FRMPD2: variants seen among roughly 807,000 people sequenced by gnomAD.
FRMPD2 encodes the protein FERM and PDZ domain containing 2.
In FRMPD2, 96 loss-of-function variants were observed where a neutral mutation model predicts 140.1. The ratio of observed to expected loss-of-function variants is 0.69; its 90% CI spans 0.58 to 0.81. FRMPD2 has a LOEUF of 0.81. FRMPD2 is among the 40% of genes least tolerant of loss of function. FRMPD2 has a pLI of 0.00. For synonymous variants in FRMPD2, 449 were observed against 547.6 expected (o/e 0.82, Z 2.52); for missense variants, 1,240 against 1,447.4 (o/e 0.86, Z 2.32).
In FRMPD2 at chr10:48,235,915, C is replaced by T. The variant is rs1012759639; in HGVS notation, c.993+567G>A. Among the ~76,000 whole-genome samples the T allele has an allele frequency of 3.9e-5, 6 of 152,220 alleles. No homozygotes were observed. In the East Asian group the frequency reaches 1.2e-3, roughly 30 times the overall value. On this transcript the variant is annotated intron_variant, in intron 9 of 28. Transcript: ENST00000374201. ...CACAGCATTTGCCCTTCCTGAAAAG[C>T]CCACAAGGCTCACTCCTTGTCTTCA...
intron 15 of FRMPD2, among the ~76,000 whole-genome samples, chr10:48,196,700 C>T (rs570609826): frequency 3.3e-5 from 5 of 152,230 alleles, no homozygotes; most frequent in Admixed American, 2.6e-4. Context: ...TGCATGTAAT[C>T]GCTGAAAAGG....
intron 1 of FRMPD2, among the ~76,000 whole-genome samples, chr10:48,256,750 G>C (rs994170325): frequency 1.3e-5 from 2 of 152,138 alleles, no homozygotes; most frequent in African/African-American, 2.4e-5. Flanking sequence ...CTGGCCTCGT[G>C]GGTCAGGGGA....
At chr10:48,230,965 T>A (rs1442395838) in intron 10 of FRMPD2, among the ~76,000 whole-genome samples, 2 of 152,038 alleles carry the variant, frequency 1.3e-5, no homozygotes, top group Non-Finnish European at 2.9e-5. Flanking sequence ...AACAGAACAA[T>A]GAACTCCAGA....
rs756657128 is a variant in FRMPD2, at chr10:48,206,895, G to A, written c.1650C>T (p.His550=). 3.7e-6 allele frequency: 6 copies of A among 1,613,998 alleles called. No homozygotes were observed. In the East Asian group the frequency reaches 1.3e-4, roughly 36 times the overall value. ...GCCTCCTCTTCTCTGAGAATACTTG[G>A]TGAACCAGCACACCGTATTCTGGGA... The part of the protein sequence containing the change: ...QQLPEYGVLV[H]QVFSEKRRPE... The change falls in exon 14 of 29, where the codon CAC becomes CAT. Residue 550 remains histidine (H), a synonymous_variant. Coordinates refer to ENST00000374201, the MANE Select transcript of FRMPD2 (RefSeq NM_001018071.4).
Position 48,187,226 on chromosome 10 carries a change from A to G in FRMPD2, c.2232T>C (p.Ser744=), listed in dbSNP as rs541696678. The change falls in exon 17 of 29, where the codon TCT becomes TCC. Residue 744 remains serine, a synonymous_variant. Transcript: ENST00000374201. ...TGCTCTGAACAGGTGGTCCAGAGAG[A>G]GAGTCCCAGGTCATTGGCTTCTGGA... ...CVIQKPMTWD[S]LSGPPVQSMH... 1 of 1,614,050 alleles carries G rather than the reference A, an allele frequency of 6.2e-7. No homozygotes were observed. The highest frequency in any genetic ancestry group is 2.2e-5 in the East Asian group (1 of 44,858).
At position 48,184,691 on chromosome 10, in the gene FRMPD2, A is replaced by C; in HGVS notation, c.2468-9T>G. 1 of 1,603,460 alleles carries C rather than the reference A, an allele frequency of 6.2e-7. No homozygotes were observed. The highest frequency in any genetic ancestry group is 1.1e-5 in the South Asian group (1 of 90,386). On this transcript the variant is annotated splice_polypyrimidine_tract_variant and intron_variant, in intron 19 of 28. Transcript: ENST00000374201. The stretch of plus-strand genomic sequence containing the variant: ...GGCTAGTATCTGCCCTCCTAGAAAA[A>C]TAAAACATCTCAATAATCCTTCAAG...
At chr10:48,216,772 A>T (rs1193493137) in intron 12 of FRMPD2, among the ~76,000 whole-genome samples, 1 of 152,226 alleles carries the variant, frequency 6.6e-6, no homozygotes, top group Non-Finnish European at 1.5e-5. Context: ...TCAGAGAGAA[A>T]ACATGCCAAG....
chr10:48,236,438 C>T (rs1223091089), intron 9 of FRMPD2, 44 bp downstream of exon 9: 1 of 1,577,208 alleles, frequency 6.3e-7, no homozygotes, highest in Non-Finnish European at 8.7e-7. Flanking sequence ...CTGCCCACTT[C>T]CCTCGCCACC....
intron 16 of FRMPD2, among the ~76,000 whole-genome samples, chr10:48,192,004 A>T (rs58682440): frequency 6.6e-6 from 1 of 152,312 alleles, no homozygotes; most frequent in African/African-American, 2.4e-5. Context: ...CAGAGTCATA[A>T]GACTTAAATT....
At position 48,256,038 on chromosome 10, in the gene FRMPD2, C is replaced by T. The variant is rs146419479; in HGVS notation, c.26-4347G>A. ...TACCTGCTAGTTTGCAGAGCACGTGCAACCCACACTGCAAAGCCAGGGAGA... is the reference window on the plus strand; with the variant it reads ...TACCTGCTAGTTTGCAGAGCACGTGTAACCCACACTGCAAAGCCAGGGAGA... On this transcript the variant is annotated intron_variant, in intron 1 of 28. Transcript: ENST00000374201. Among the ~76,000 whole-genome samples, 99 of 152,328 alleles carry T rather than the reference C, an allele frequency of 6.5e-4. 1 individual carries two copies. In the East Asian group the frequency reaches 0.017, roughly 26 times the overall value.
intron 14 of FRMPD2, chr10:48,201,765 C>CA (rs1199089338): frequency 3.9e-5 from 6 of 155,226 alleles, no homozygotes; most frequent in African/African-American, 1.2e-4. Flanking sequence ...AAGTTGTAGA[C>CA]AAAATCTCAA....
chr10:48,223,289 ATG>A lies in FRMPD2; in HGVS notation c.1169-21_1169-20del. Reference sequence around the variant, plus strand: ...TCTTTGCCTGAAATGGAAATAGAGCATGTGTGGAAGGAGAAGCAGTAGGGATT... The same window carrying A: ...TCTTTGCCTGAAATGGAAATAGAGCATGTGGAAGGAGAAGCAGTAGGGATT... On this transcript the variant is annotated intron_variant, in intron 10 of 28. Transcript: ENST00000374201. 1 of 1,606,022 alleles carries A rather than the reference ATG, an allele frequency of 6.2e-7. No individual in the cohort carries two copies.
At chr10:48,235,107 A>G (rs953561540) in intron 9 of FRMPD2, among the ~76,000 whole-genome samples, 2 of 152,134 alleles carry the variant, frequency 1.3e-5, no homozygotes, top group African/African-American at 4.8e-5. Context: ...TGCAAGCCCC[A>G]TACAGGAAGT....
At chr10:48,215,502 G>A (rs555023273) in intron 12 of FRMPD2, among the ~76,000 whole-genome samples, 3 of 152,320 alleles carry the variant, frequency 2.0e-5, no homozygotes, top group South Asian at 2.1e-4. Flanking sequence ...CGGCTTTTCC[G>A]GGTTGATTTA....
chr10:48,211,277 C>T (rs1365961466), intron 13 of FRMPD2, among the ~76,000 whole-genome samples: 1 of 152,216 alleles, frequency 6.6e-6, no homozygotes, highest in African/African-American at 2.4e-5. Flanking sequence ...GTTTTTGCCC[C>T]GCTGGTGAAG....
At chr10:48,257,232 G>A (rs1364202471) in intron 1 of FRMPD2, among the ~76,000 whole-genome samples, 1 of 151,224 alleles carries the variant, frequency 6.6e-6, no homozygotes, top group Non-Finnish European at 1.5e-5. Context: ...AAATCAGGAT[G>A]TGGATACCTT....
At chr10:48,163,992 A>G (rs1199837274) in intron 27 of FRMPD2, among the ~76,000 whole-genome samples, 2 of 151,212 alleles carry the variant, frequency 1.3e-5, no homozygotes, top group African/African-American at 4.9e-5. Context: ...TCCGATAAGA[A>G]ATGTTTTCTT....
intron 25 of FRMPD2, among the ~76,000 whole-genome samples, chr10:48,172,495 C>T (rs371246685): frequency 2.0e-5 from 3 of 152,202 alleles, no homozygotes; most frequent in East Asian, 1.9e-4. Context: ...AACGATCTTT[C>T]GTTTGCCTTT....
intron 28 of FRMPD2, among the ~76,000 whole-genome samples, chr10:48,159,923 G>C (rs1348069845): frequency 6.6e-6 from 1 of 151,494 alleles, no homozygotes; most frequent in East Asian, 1.9e-4. Flanking sequence ...TTTCTATTGG[G>C]CCAGCATTTA....
Sources: gnomAD v4.1 joint callset for allele counts (sites outside exome capture counted in the v4.1 genomes callset) on GRCh38, gnomAD v4.1.1 for gene constraint, MANE v1.5 for transcripts, NCBI Gene and HGNC (gene_info 2026-07-23, HGNC 2026-07-21) for gene names.